Variants in SGK3 observed in about 807,000 individuals in gnomAD.
The protein encoded by SGK3 is serine/threonine-protein kinase Sgk3.
A neutral mutation model predicts 68.5 loss-of-function variants in SGK3; 47 were observed. The observed-to-expected ratio is 0.69, with a 90% CI of 0.54 to 0.87. The LOEUF is 0.87. SGK3 is among the 40% of genes least tolerant of loss of function. The probability of loss-of-function intolerance (pLI) is 0.00; values close to 1 mark genes in which losing one functional copy is unlikely to be tolerated. For missense variants in SGK3, 479 were observed against 575.5 expected (o/e 0.83, Z 1.72); for synonymous variants, 181 against 189.1 (o/e 0.96, Z 0.35).
intron 1 of SGK3, among the ~76,000 whole-genome samples, chr8:66,789,122 AG>A (rs1807330329): frequency 6.8e-6 from 1 of 148,080 alleles, no homozygotes; most frequent in African/African-American, 2.6e-5. Flanking sequence ...AATTTTATTC[AG>A]AAAAAAAAAA....
chr8:66,816,193 G>A (rs1454135838), intron 5 of SGK3, among the ~76,000 whole-genome samples: 2 of 151,648 alleles, frequency 1.3e-5, no homozygotes, highest in African/African-American at 4.8e-5. Flanking sequence ...TAGTAGAGAC[G>A]GGGTTTCACC....
chr8:66,789,997 G>C (rs1168136605), intron 1 of SGK3, among the ~76,000 whole-genome samples: 1 of 152,070 alleles, frequency 6.6e-6, no homozygotes, highest in Non-Finnish European at 1.5e-5. Context: ...AGGATTGCTT[G>C]AACCCTGGAG....
At chr8:66,745,216 G>A (rs545887313) in intron 1 of SGK3, among the ~76,000 whole-genome samples, 21 of 151,922 alleles carry the variant, frequency 1.4e-4, no homozygotes, top group African/African-American at 3.4e-4. Flanking sequence ...TTATGTTAGA[G>A]GTTTTCCTCA....
intron 3 of SGK3, among the ~76,000 whole-genome samples, chr8:66,800,913 C>T (rs554981940): frequency 3.9e-5 from 6 of 152,062 alleles, no homozygotes; most frequent in African/African-American, 7.2e-5. Context: ...TGAGCCTGGG[C>T]GGTTGAGGCT....
intron 1 of SGK3, 25 bp from the exon 2 acceptor site, chr8:66,793,580 TTTGCTAATCAC>T: frequency 1.5e-6 from 1 of 648,626 alleles, no homozygotes. Flanking sequence ...TTAAAGTTGT[TTTGCTAATCAC>T]TTTTTTTTTT....
At chr8:66,845,952 A>G (rs1052068668) in intron 14 of SGK3, among the ~76,000 whole-genome samples, 1 of 152,126 alleles carries the variant, frequency 6.6e-6, no homozygotes, top group Admixed American at 6.6e-5. Context: ...CTGAAAAGAA[A>G]AAAATGTCAT....
intron 1 of SGK3, among the ~76,000 whole-genome samples, chr8:66,783,654 A>AT (rs1316931466): frequency 7.9e-5 from 12 of 152,132 alleles, no homozygotes; most frequent in African/African-American, 2.9e-4. Context: ...AGTAGCTGAG[A>AT]TTACAGGTGC....
chr8:66,838,895 C>A (rs1809652192), intron 10 of SGK3, among the ~76,000 whole-genome samples: 1 of 152,062 alleles, frequency 6.6e-6, no homozygotes, highest in Non-Finnish European at 1.5e-5. Flanking sequence ...TACTTCATAT[C>A]TTTTTTAGAG....
At chr8:66,768,018 C>A (rs759333185) in intron 1 of SGK3, 2 of 722,160 alleles carry the variant, frequency 2.8e-6, no homozygotes, top group East Asian at 5.2e-5. Context: ...TGGATTATTG[C>A]CGCTCTCAAC....
intron 1 of SGK3, among the ~76,000 whole-genome samples, chr8:66,723,508 A>G (rs944538323): frequency 2.6e-5 from 4 of 152,120 alleles, no homozygotes; most frequent in African/African-American, 4.8e-5. Flanking sequence ...CAGTGGTGCA[A>G]TCTTAACACA....
intron 3 of SGK3, among the ~76,000 whole-genome samples, chr8:66,802,559 G>A (rs970484759): frequency 6.6e-6 from 1 of 151,946 alleles, no homozygotes; most frequent in African/African-American, 2.4e-5. Flanking sequence ...GTGTGGTGGT[G>A]TGTGCCTGTG....
intron 1 of SGK3, among the ~76,000 whole-genome samples, chr8:66,772,284 C>A (rs565509420): frequency 2.7e-5 from 4 of 149,308 alleles, no homozygotes; most frequent in African/African-American, 4.9e-5. Flanking sequence ...GACGGAGTCT[C>A]TCTGTATTGC....
chr8:66,734,472 A>C (rs776473614), intron 1 of SGK3, among the ~76,000 whole-genome samples: 1 of 152,104 alleles, frequency 6.6e-6, no homozygotes, highest in Non-Finnish European at 1.5e-5. Context: ...CTCTTTACAC[A>C]TTCATTTGAG....
chr8:66,803,685 T>C (rs1365165797), intron 3 of SGK3, among the ~76,000 whole-genome samples: 1 of 147,676 alleles, frequency 6.8e-6, no homozygotes, highest in Non-Finnish European at 1.5e-5. Context: ...TTTTGAGACA[T>C]GGTGTCTGTT....
At chr8:66,789,191 A>T (rs992616336) in intron 1 of SGK3, among the ~76,000 whole-genome samples, 1 of 151,964 alleles carries the variant, frequency 6.6e-6, no homozygotes, top group African/African-American at 2.4e-5. Flanking sequence ...CCATCTGATT[A>T]AATTTATGGT....
rs926773542 is a variant in SGK3, at chr8:66,835,666, T to G, written c.526-97T>G. ...TCTAGGTCCCTTATGGACTTTCTTT[T>G]TACAGAATTTAAGAAGTATTGATGT... is the stretch of plus-strand genomic sequence containing the variant. On this transcript the variant is annotated intron_variant, in intron 8 of 16. Coordinates refer to ENST00000521198, the MANE Select transcript of SGK3 (RefSeq NM_001033578.3). 184 of 1,339,820 alleles carry G rather than the reference T, an allele frequency of 1.4e-4. No individual in the cohort carries two copies. In the African/African-American group the frequency reaches 2.2e-3, roughly 16 times the overall value. 83.0% of individuals were successfully genotyped at this position (1,339,820 alleles called of 1,614,324 possible). A position where few individuals can be genotyped will look rare whatever the true frequency, so the allele number is the denominator to read the frequency against.
At chr8:66,858,779 T>G (rs1810630143) in intron 16 of SGK3, among the ~76,000 whole-genome samples, 1 of 152,112 alleles carries the variant, frequency 6.6e-6, no homozygotes, top group Admixed American at 6.6e-5. Flanking sequence ...TATGAGACCT[T>G]TTTTGCATTT....
At chr8:66,733,647 T>G (rs935046310) in intron 1 of SGK3, among the ~76,000 whole-genome samples, 1 of 152,188 alleles carries the variant, frequency 6.6e-6, no homozygotes, top group African/African-American at 2.4e-5. Flanking sequence ...TAACTCTTAG[T>G]AAGTGATTTT....
chr8:66,789,650 C>T (rs1807354725), intron 1 of SGK3, among the ~76,000 whole-genome samples: 1 of 152,168 alleles, frequency 6.6e-6, no homozygotes, highest in Non-Finnish European at 1.5e-5. Flanking sequence ...TATTTCAGAG[C>T]TAGTATCCAG....
Sources: gnomAD v4.1 joint callset for allele counts (sites outside exome capture counted in the v4.1 genomes callset) on GRCh38, gnomAD v4.1.1 for gene constraint, MANE v1.5 for transcripts, NCBI Gene and HGNC (gene_info 2026-07-23, HGNC 2026-07-21) for gene names.